The following NIPBL variants were observed in gnomAD, a reference collection of about 807,000 sequenced individuals.
NIPBL encodes the protein NIPBL cohesin loading factor, also known as nipped-B-like protein.
NIPBL carries 19 observed loss-of-function variants against 321.8 expected under a neutral mutation model. The observed-to-expected ratio is 0.06, with a 90% CI of 0.04 to 0.09. The LOEUF (loss-of-function observed/expected upper bound fraction) is 0.09. Ranked by LOEUF, NIPBL falls within the 10% of genes least tolerant of loss-of-function variation. NIPBL has a pLI of 1.00. For synonymous variants in NIPBL, 1,106 were observed against 1,114.1 expected (o/e 0.99, Z 0.14); for missense variants, 2,210 against 3,327.0 (o/e 0.66, Z 8.26).
rs1561222655 is a variant in NIPBL, at chr5:37,057,279, A to G, written c.7357A>G (p.Ile2453Val). ...QEEPLFIMHH[I>V]DITLSVSGSN... Reference sequence around the variant, plus strand: ...AGAGCCGTTGTTTATAATGCATCATATAGACATTACACTCTCAGTTTCTGG... The same window carrying G: ...AGAGCCGTTGTTTATAATGCATCATGTAGACATTACACTCTCAGTTTCTGG... The change falls in exon 43 of 47, where the codon ATA becomes GTA. Residue 2453 changes from isoleucine to valine, a missense_variant. Around this residue, in one of 14 missense-constraint regions of NIPBL, gnomAD observed 112 missense variants for 288.3 expected, o/e 0.39. Coordinates refer to ENST00000282516, the MANE Select transcript of NIPBL (RefSeq NM_133433.4). 2 of 1,613,898 alleles carry G rather than the reference A, an allele frequency of 1.2e-6. No homozygotes were observed. The highest frequency in any genetic ancestry group is 1.7e-6 in the Non-Finnish European group (2 of 1,179,794).
chr5:36,925,485 C>T (rs1291363221), intron 1 of NIPBL, among the ~76,000 whole-genome samples: 3 of 151,896 alleles, frequency 2.0e-5, no homozygotes, highest in Admixed American at 1.3e-4. Context: ...AGGTTGGTCT[C>T]GAACTCCCGA....
chr5:37,021,052 A>G (rs1473918274), intron 27 of NIPBL, among the ~76,000 whole-genome samples, 175 bp downstream of exon 27: 1 of 152,244 alleles, frequency 6.6e-6, no homozygotes, highest in Non-Finnish European at 1.5e-5. Flanking sequence ...TAATCCCAAC[A>G]CTTTGGGAAG....
At chr5:37,034,725 A>G (rs1751493935) in intron 32 of NIPBL, among the ~76,000 whole-genome samples, 1 of 152,218 alleles carries the variant, frequency 6.6e-6, no homozygotes, top group Non-Finnish European at 1.5e-5. Flanking sequence ...TAAATTTCTG[A>G]TAGTGGTTAT....
At position 36,985,039 on chromosome 5, in the gene NIPBL, T is replaced by C. The variant is rs770988712; in HGVS notation, c.1859T>C (p.Leu620Ser). ...KSEMKQSESR[L>S]AESKPNENRL... ...GAAATGAAACAAAGTGAAAGTAGATTAGCAGAATCTAAACCAAATGAAAAC... is the reference window on the plus strand; with the variant it reads ...GAAATGAAACAAAGTGAAAGTAGATCAGCAGAATCTAAACCAAATGAAAAC... Residue 620 changes from leucine to serine, a missense_variant, in exon 10 of 47, where the codon TTA becomes TCA. Around this residue, in one of 14 missense-constraint regions of NIPBL, gnomAD observed 588 missense variants for 564.1 expected, o/e 1.04. Transcript: ENST00000282516. 1 of 1,613,900 alleles carries C rather than the reference T, an allele frequency of 6.2e-7. No homozygotes were observed. Among genetic ancestry groups the C allele is most frequent in the Non-Finnish European group, 8.5e-7 (1 of 1,179,962 alleles).
In NIPBL at chr5:37,025,171, T is replaced by C. The variant is rs1279001091; in HGVS notation, c.5709+452T>C. Reference sequence around the variant, plus strand: ...TAGAGATTGACACAGGAAGATTACTTGAGCCCAGGAATTCAAGGCTGCAGT... The same window carrying C: ...TAGAGATTGACACAGGAAGATTACTCGAGCCCAGGAATTCAAGGCTGCAGT... On this transcript the variant is annotated intron_variant, in intron 30 of 46. Coordinates refer to ENST00000282516, the MANE Select transcript of NIPBL (RefSeq NM_133433.4). 7.2e-5 allele frequency among the ~76,000 whole-genome samples: 11 copies of C among 152,210 alleles called. No homozygotes were observed. The East Asian group carries it at 2.1e-3, about 29-fold the overall frequency.
Position 37,057,260 on chromosome 5 carries a change from G to A in NIPBL, c.7338G>A (p.Pro2446=), listed in dbSNP as rs1303071370. Residue 2446 remains proline, a synonymous_variant, in exon 43 of 47, where the codon CCG becomes CCA. Coordinates refer to ENST00000282516, the MANE Select transcript of NIPBL (RefSeq NM_133433.4). ...TTCCATACCAGACACAGGAAGAGCC[G>A]TTGTTTATAATGCATCATATAGACA... is the stretch of plus-strand genomic sequence containing the variant. ...ACFPYQTQEE[P]LFIMHHIDIT... The A allele has an allele frequency of 2.5e-6, 4 of 1,613,604 alleles. No homozygotes were observed. The highest frequency in any genetic ancestry group is 2.2e-5 in the East Asian group (1 of 44,862).
intron 42 of NIPBL, among the ~76,000 whole-genome samples, chr5:37,054,476 A>AT (rs1753895972): frequency 6.6e-6 from 1 of 152,192 alleles, no homozygotes; most frequent in Admixed American, 6.5e-5. Context: ...AGGATACAAA[A>AT]TTAATAGTGA....
At chr5:37,033,529 G>A (rs1045087162) in intron 32 of NIPBL, among the ~76,000 whole-genome samples, 14 of 145,582 alleles carry the variant, frequency 9.6e-5, no homozygotes, top group Non-Finnish European at 1.8e-4. Flanking sequence ...TTTAGTAAAT[G>A]GGGTTGGGAT....
intron 1 of NIPBL, among the ~76,000 whole-genome samples, chr5:36,917,899 C>G (rs1748599407): frequency 6.6e-6 from 1 of 152,126 alleles, no homozygotes; most frequent in South Asian, 2.1e-4. Flanking sequence ...GTTTTGGTAC[C>G]AGTACCATGC....
At position 36,971,397 on chromosome 5, in the gene NIPBL, G is replaced by A. The variant is rs558152645; in HGVS notation, c.771+361G>A. Among the ~76,000 whole-genome samples, 8 of 151,874 alleles carry A rather than the reference G, an allele frequency of 5.3e-5. No individual in the cohort carries two copies. In the East Asian group the frequency reaches 1.5e-3, roughly 29 times the overall value. On this transcript the variant is annotated intron_variant, in intron 7 of 46. Coordinates refer to ENST00000282516, the MANE Select transcript of NIPBL (RefSeq NM_133433.4). ...TTTAGGTTCTTAATGAAATATTTCA[G>A]TTTTAGGTTAATACTGCTCACACTA...
chr5:37,042,553 A>G (rs1752520243), intron 34 of NIPBL, among the ~76,000 whole-genome samples: 1 of 151,850 alleles, frequency 6.6e-6, no homozygotes, highest in Non-Finnish European at 1.5e-5. Context: ...GCACTTTGGG[A>G]GGCCGAGGCA....
At chr5:36,933,679 G>C (rs945489702) in intron 1 of NIPBL, among the ~76,000 whole-genome samples, 2 of 152,062 alleles carry the variant, frequency 1.3e-5, no homozygotes, top group African/African-American at 4.8e-5. Context: ...TCAGACACCA[G>C]TAGTGAAAAT....
intron 6 of NIPBL, among the ~76,000 whole-genome samples, chr5:36,968,430 G>T (rs1405458804): frequency 5.3e-5 from 8 of 151,974 alleles, no homozygotes; most frequent in Non-Finnish European, 5.9e-5. Flanking sequence ...TTAGCTAGGC[G>T]TAGTGGCAGG....
rs541632018 is a variant in NIPBL at position 36,916,566 on chromosome 5, A to G, written c.-79-37052A>G. The stretch of plus-strand genomic sequence containing the variant: ...TGCACAACGTGCAGTTTTGTTACAT[A>G]TGTATACATGTGCCATGTTGGTGTG... On this transcript the variant is annotated intron_variant, in intron 1 of 46. Transcript: ENST00000282516. Among the ~76,000 whole-genome samples the G allele has an allele frequency of 1.7e-4, 26 of 152,208 alleles. No individual in the cohort carries two copies. The South Asian group carries it at 5.2e-3, about 30-fold the overall frequency.
At chr5:37,014,113 A>G (rs898260708) in intron 21 of NIPBL, among the ~76,000 whole-genome samples, 2 of 152,226 alleles carry the variant, frequency 1.3e-5, no homozygotes, top group Non-Finnish European at 2.9e-5. Context: ...AAGCTGAGGC[A>G]GGAGAATCAG....
At chr5:37,040,398 C>T (rs1350823515) in intron 34 of NIPBL, among the ~76,000 whole-genome samples, 2 of 151,964 alleles carry the variant, frequency 1.3e-5, no homozygotes, top group Non-Finnish European at 2.9e-5. Context: ...TTAGAGTATC[C>T]TTAACATACT....
chr5:37,051,827 C>A lies in NIPBL; in HGVS notation c.7003C>A (p.Arg2335=). ...AMGTDPEPAM[R]NKADQQLVEI... ...GGGCACAGACCCAGAACCTGCTATG[C>A]GGAACAAGGCTGATCAGCAACTTGT... The change falls in exon 41 of 47, where the codon CGG becomes AGG. Residue 2335 remains arginine, a synonymous_variant. Coordinates refer to ENST00000282516, the MANE Select transcript of NIPBL (RefSeq NM_133433.4). The A allele has an allele frequency of 6.2e-7, 1 of 1,613,438 alleles. No individual in the cohort carries two copies. The highest frequency in any genetic ancestry group is 8.5e-7 in the Non-Finnish European group (1 of 1,179,794).
chr5:36,952,073 C>CGCAT (rs56376011), intron 1 of NIPBL, among the ~76,000 whole-genome samples: 2 of 122,680 alleles, frequency 1.6e-5, no homozygotes, highest in East Asian at 2.2e-4. Context: ...CGCGCGCGCG[C>CGCAT]ATGTGTGTGT....
chr5:36,971,701 A>G (rs898649909), intron 7 of NIPBL: 2 of 493,248 alleles, frequency 4.1e-6, no homozygotes, highest in Non-Finnish European at 5.3e-6. Context: ...GCAAACAAAA[A>G]TGGAGCATAC....
Sources: allele counts gnomAD v4.1 joint callset (sites outside exome capture counted in the v4.1 genomes callset), GRCh38; gene constraint gnomAD v4.1.1; regional missense constraint gnomAD v4.1.1; transcripts MANE v1.5; gene names NCBI Gene and HGNC (gene_info 2026-07-23, HGNC 2026-07-21).